The following HIBADH variants were observed in gnomAD, a reference collection of about 807,000 sequenced individuals.
The protein encoded by HIBADH is 3-hydroxyisobutyrate dehydrogenase, mitochondrial.
A neutral mutation model predicts 36.1 loss-of-function variants in HIBADH; 25 were observed. The ratio of observed to expected loss-of-function variants is 0.69; its 90% CI spans 0.50 to 0.97. The LOEUF is 0.97. Ranked by LOEUF, HIBADH falls within the 50% of genes least tolerant of loss-of-function variation. The pLI is 0.00. For synonymous variants in HIBADH, 160 were observed against 149.5 expected, an observed-to-expected ratio of 1.07 and a Z score of -0.51; for missense variants, 421 against 418.0, an observed-to-expected ratio of 1.01 and a Z score of -0.06.
intron 3 of HIBADH, among the ~76,000 whole-genome samples, chr7:27,630,819 A>G (rs1052893587): frequency 6.6e-6 from 1 of 152,202 alleles, no homozygotes; most frequent in South Asian, 2.1e-4. Flanking sequence ...TTCAAATGCA[A>G]TTGTTGGGTA....
chr7:27,595,639 C>T (rs1280387173), intron 4 of HIBADH, among the ~76,000 whole-genome samples: 1 of 150,404 alleles, frequency 6.6e-6, no homozygotes, highest in Non-Finnish European at 1.5e-5. Flanking sequence ...GCTATATTCC[C>T]AGGCCTAGAC....
chr7:27,652,826 A>G (rs1786221874), intron 1 of HIBADH, among the ~76,000 whole-genome samples: 1 of 152,196 alleles, frequency 6.6e-6, no homozygotes, highest in African/African-American at 2.4e-5. Context: ...TAATATCATT[A>G]TATTGAGGGT....
intron 4 of HIBADH, among the ~76,000 whole-genome samples, chr7:27,587,629 G>A (rs772089379): frequency 1.7e-4 from 26 of 152,068 alleles, no homozygotes; most frequent in Non-Finnish European, 3.1e-4. Flanking sequence ...CCAAACACAT[G>A]CACTTCCTCT....
chr7:27,656,461 T>C (rs1786307380), intron 1 of HIBADH, among the ~76,000 whole-genome samples: 1 of 151,998 alleles, frequency 6.6e-6, no homozygotes, highest in Non-Finnish European at 1.5e-5. Context: ...AATGTGCAAA[T>C]GTTTAAAAAA....
intron 7 of HIBADH, among the ~76,000 whole-genome samples, chr7:27,528,500 A>T (rs1477111931): frequency 6.6e-6 from 1 of 152,208 alleles, no homozygotes; most frequent in Non-Finnish European, 1.5e-5. Flanking sequence ...GCTGATAGGG[A>T]GTAAGTTTGA....
At chr7:27,644,134 T>C (rs1462243604) in intron 2 of HIBADH, among the ~76,000 whole-genome samples, 1 of 152,198 alleles carries the variant, frequency 6.6e-6, no homozygotes, top group Non-Finnish European at 1.5e-5. Context: ...TTCACAGATA[T>C]ATGCAACCAT....
chr7:27,625,465 T>A (rs939506427), intron 4 of HIBADH, among the ~76,000 whole-genome samples: 3 of 151,316 alleles, frequency 2.0e-5, no homozygotes, highest in African/African-American at 7.3e-5. Context: ...TAAAAACATA[T>A]GGAGTTAAAC....
intron 4 of HIBADH, among the ~76,000 whole-genome samples, chr7:27,561,699 C>T (rs963047265): frequency 6.6e-6 from 1 of 152,112 alleles, no homozygotes; most frequent in African/African-American, 2.4e-5. Flanking sequence ...GAGAAGTATA[C>T]TGAAAGGTCC....
chr7:27,658,563 A>G (rs1786351317), intron 1 of HIBADH, among the ~76,000 whole-genome samples: 1 of 152,192 alleles, frequency 6.6e-6, no homozygotes. Context: ...ATTGGTAACA[A>G]GTTAATTATT....
At chr7:27,623,961 C>T (rs1299159973) in intron 4 of HIBADH, among the ~76,000 whole-genome samples, 1 of 152,116 alleles carries the variant, frequency 6.6e-6, no homozygotes, top group African/African-American at 2.4e-5. Flanking sequence ...CCGTGGCCAG[C>T]CAAATTTTTG....
At chr7:27,626,396 A>G (rs576266602) in intron 4 of HIBADH, among the ~76,000 whole-genome samples, 12 of 152,356 alleles carry the variant, frequency 7.9e-5, no homozygotes, top group Middle Eastern at 3.4e-3. Flanking sequence ...GATGATAAAC[A>G]TAACAGTTTA....
At chr7:27,645,529 C>A (rs1326788219) in intron 2 of HIBADH, among the ~76,000 whole-genome samples, 2 of 151,790 alleles carry the variant, frequency 1.3e-5, no homozygotes, top group African/African-American at 2.4e-5. Flanking sequence ...CAGGTGCACA[C>A]CACCACACTT....
chr7:27,530,443 G>A (rs1783975589), intron 7 of HIBADH, among the ~76,000 whole-genome samples: 1 of 152,056 alleles, frequency 6.6e-6, no homozygotes, highest in Non-Finnish European at 1.5e-5. Context: ...CTGACCTCAG[G>A]TGATCTGCCC....
chr7:27,575,453 G>A (rs1784694344), intron 4 of HIBADH, among the ~76,000 whole-genome samples: 3 of 152,222 alleles, frequency 2.0e-5, no homozygotes, highest in African/African-American at 7.2e-5. Flanking sequence ...TCCAGAGTGT[G>A]GAGAGCCTTG....
intron 1 of HIBADH, among the ~76,000 whole-genome samples, chr7:27,652,312 TAA>T (rs544612952): frequency 1.3e-5 from 2 of 149,684 alleles, no homozygotes; most frequent in African/African-American, 2.4e-5. Context: ...AGATTAAGAT[TAA>T]AAAAAAAATG....
chr7:27,658,733 A>G (rs745595764), intron 1 of HIBADH, among the ~76,000 whole-genome samples: 40 of 152,210 alleles, frequency 2.6e-4, no homozygotes, highest in Non-Finnish European at 4.1e-4. Context: ...ATTTTTCATT[A>G]TATCATAAGG....
At chr7:27,609,742 T>C (rs544978579) in intron 4 of HIBADH, among the ~76,000 whole-genome samples, 2 of 152,304 alleles carry the variant, frequency 1.3e-5, no homozygotes, top group South Asian at 4.1e-4. Flanking sequence ...CATATAATAG[T>C]CAACGCACTA....
At chr7:27,626,763 C>G (rs6462039) in intron 4 of HIBADH, among the ~76,000 whole-genome samples, 120,546 of 152,108 alleles carry the variant, frequency 0.79, 48,139 homozygotes, top group East Asian at 0.97. Flanking sequence ...CCCATTTACA[C>G]TTTTAGAATA....
intron 6 of HIBADH, among the ~76,000 whole-genome samples, chr7:27,531,819 G>A (rs1360207604): frequency 6.6e-6 from 1 of 152,118 alleles, no homozygotes; most frequent in Non-Finnish European, 1.5e-5. Context: ...GCATTTATAT[G>A]TATGTTTATT....
Sources: allele counts gnomAD v4.1 joint callset (sites outside exome capture counted in the v4.1 genomes callset), GRCh38; gene constraint gnomAD v4.1.1; transcripts MANE v1.5; gene names NCBI Gene and HGNC (gene_info 2026-07-23, HGNC 2026-07-21).